The following ZNF346 variants were observed in gnomAD, a reference collection of about 807,000 sequenced individuals.
ZNF346 encodes the protein double-stranded RNA-binding zinc finger protein JAZ.
Under a neutral mutation model 33.7 loss-of-function variants are expected in ZNF346, and 23 were observed. That is an observed-to-expected ratio of 0.68 (90% CI 0.49 to 0.97). The LOEUF (loss-of-function observed/expected upper bound fraction) is 0.97. ZNF346 is among the 50% of genes least tolerant of loss of function. The probability of loss-of-function intolerance (pLI) is 0.00; values close to 1 mark genes in which losing one functional copy is unlikely to be tolerated. For synonymous variants in ZNF346, 134 were observed against 142.4 expected (o/e 0.94, Z 0.42); for missense variants, 340 against 371.1 (o/e 0.92, Z 0.69).
chr5:177,028,040 CTTTTTTTTTTTTTT>C (rs10682528), intron 1 of ZNF346, among the ~76,000 whole-genome samples: 5 of 33,502 alleles, frequency 1.5e-4, no homozygotes, highest in African/African-American at 4.2e-4. Context: ...CCTTGTGTCA[CTTTTTTTTTTTTTT>C]TTTTTTTTTT....
intron 5 of ZNF346, among the ~76,000 whole-genome samples, chr5:177,055,527 T>C (rs1781556038): frequency 6.6e-6 from 1 of 152,172 alleles, no homozygotes; most frequent in African/African-American, 2.4e-5. Context: ...GAGAAAAATA[T>C]TAGGCTTTTC....
intron 3 of ZNF346, among the ~76,000 whole-genome samples, chr5:177,042,999 G>A (rs994696839): frequency 3.3e-5 from 5 of 152,070 alleles, no homozygotes; most frequent in African/African-American, 9.7e-5. Context: ...CTACAGGCAC[G>A]CGCCACCACA....
intron 8 of ZNF346, among the ~76,000 whole-genome samples, chr5:177,074,252 A>G (rs1257818673): frequency 6.6e-6 from 1 of 152,198 alleles, no homozygotes. Context: ...TCTTCCTATA[A>G]TAAGCTTTTC....
At chr5:177,027,501 G>A (rs769119142) in intron 1 of ZNF346, among the ~76,000 whole-genome samples, 3 of 149,348 alleles carry the variant, frequency 2.0e-5, no homozygotes, top group Non-Finnish European at 4.4e-5. Context: ...CACGAGAATC[G>A]CTTGAACCCA....
chr5:177,040,141 A>G, intron 1 of ZNF346, among the ~76,000 whole-genome samples: 1 of 149,086 alleles, frequency 6.7e-6, no homozygotes, highest in African/African-American at 2.5e-5. Flanking sequence ...ACATCATGCC[A>G]CTGCACTCCA....
chr5:177,041,001 G>A (rs1779265281), intron 1 of ZNF346, 125 bp from the exon 2 acceptor site: 1 of 714,342 alleles, frequency 1.4e-6, no homozygotes, highest in Non-Finnish European at 2.5e-6. Flanking sequence ...AAGGCTGGCT[G>A]AGGTCTGCCA....
chr5:177,030,688 GT>G (rs1777552202), intron 1 of ZNF346, among the ~76,000 whole-genome samples: 1 of 151,818 alleles, frequency 6.6e-6, no homozygotes, highest in South Asian at 2.1e-4. Flanking sequence ...CAATTCTGTG[GT>G]TTTTAGTATA....
downstream of ZNF346, among the ~76,000 whole-genome samples, chr5:177,070,282 C>T (rs1325085172): frequency 6.6e-6 from 1 of 152,128 alleles, no homozygotes; most frequent in Non-Finnish European, 1.5e-5. Flanking sequence ...TAGTTCCTGA[C>T]TTGAAATCAG....
At chr5:177,027,519 A>T (rs1471882826) in intron 1 of ZNF346, among the ~76,000 whole-genome samples, 1 of 150,288 alleles carries the variant, frequency 6.7e-6, no homozygotes, top group Non-Finnish European at 1.5e-5. Context: ...CCAGGAGGCT[A>T]AGGTTGCAGT....
At chr5:177,060,953 A>G (rs1782435198) in intron 5 of ZNF346, among the ~76,000 whole-genome samples, 1 of 152,114 alleles carries the variant, frequency 6.6e-6, no homozygotes, top group East Asian at 1.9e-4. Flanking sequence ...TACTAAAAAT[A>G]CAAAAAAAAT....
At chr5:177,035,511 A>G (rs1282277845) in intron 1 of ZNF346, among the ~76,000 whole-genome samples, 1 of 150,584 alleles carries the variant, frequency 6.6e-6, no homozygotes, top group Non-Finnish European at 1.5e-5. Flanking sequence ...CCCAGGCTGG[A>G]GTGCAATGGC....
chr5:177,047,712 C>G (rs11950129), intron 4 of ZNF346, among the ~76,000 whole-genome samples: 21,439 of 152,132 alleles, frequency 0.14, 3,218 homozygotes, highest in African/African-American at 0.38. Flanking sequence ...CAACATATTG[C>G]TCAGGCTGGT....
At chr5:177,042,448 T>C (rs1393980899) in intron 3 of ZNF346, among the ~76,000 whole-genome samples, 1 of 152,172 alleles carries the variant, frequency 6.6e-6, no homozygotes, top group Admixed American at 6.5e-5. Flanking sequence ...AAGCTGGCTG[T>C]GTGTCTTACT....
intron 5 of ZNF346, chr5:177,051,649 C>T (rs1780923091): frequency 6.6e-6 from 1 of 152,158 alleles, no homozygotes; most frequent in Non-Finnish European, 1.5e-5. Context: ...AGCGATTTTC[C>T]TGCCTCAGCC....
intron 4 of ZNF346, among the ~76,000 whole-genome samples, chr5:177,046,037 C>G (rs187676557): frequency 6.6e-6 from 1 of 152,008 alleles, no homozygotes; most frequent in African/African-American, 2.4e-5. Flanking sequence ...TGGCTCATGC[C>G]TGTTGTAATC....
At chr5:177,047,555 G>C (rs1780258087) in intron 4 of ZNF346, among the ~76,000 whole-genome samples, 1 of 151,912 alleles carries the variant, frequency 6.6e-6, no homozygotes, top group Non-Finnish European at 1.5e-5. Flanking sequence ...GCCTAGACTG[G>C]AGTGCAGTGG....
intron 1 of ZNF346, among the ~76,000 whole-genome samples, chr5:177,031,128 T>A (rs1339000630): frequency 6.6e-6 from 1 of 152,078 alleles, no homozygotes. Flanking sequence ...CTCCGCCTCC[T>A]GGGTTCACGC....
At chr5:177,063,200 C>T (rs1006950930) in intron 6 of ZNF346, among the ~76,000 whole-genome samples, 1 of 152,062 alleles carries the variant, frequency 6.6e-6, no homozygotes, top group African/African-American at 2.4e-5. Flanking sequence ...GCACCTGGCC[C>T]CAGCATAACC....
In ZNF346 at chr5:177,022,798, C is replaced by G; in HGVS notation, c.60C>G (p.Tyr20Ter). Residue 20 changes from tyrosine to a stop codon, truncating the protein, a stop_gained, in exon 1 of 7, where the codon TAC (tyrosine) becomes TAG (stop). Transcript: ENST00000358149. LOFTEE classifies it high-confidence loss of function. ...QAADGGAAGPYSSSELLEGQE... is the reference protein window; with the variant it reads ...QAADGGAAGP Reference sequence around the variant, plus strand: ...CGGACGGCGGAGCGGCCGGGCCTTACAGCAGCTCGGAGTTGCTGGAGGGCC... The same window carrying G: ...CGGACGGCGGAGCGGCCGGGCCTTAGAGCAGCTCGGAGTTGCTGGAGGGCC... The G allele has an allele frequency of 6.5e-7, 1 of 1,546,042 alleles. No homozygotes were observed. The highest frequency in any genetic ancestry group is 8.7e-7 in the Non-Finnish European group (1 of 1,147,024).
Sources: gnomAD v4.1 joint callset for allele counts (sites outside exome capture counted in the v4.1 genomes callset) on GRCh38, gnomAD v4.1.1 for gene constraint, MANE v1.5 for transcripts, NCBI Gene and HGNC (gene_info 2026-07-23, HGNC 2026-07-21) for gene names.